The following COG2 variants were observed in gnomAD, a reference collection of about 807,000 sequenced individuals.
COG2 encodes the protein conserved oligomeric Golgi complex subunit 2.
COG2 carries 52 observed loss-of-function variants against 90.6 expected under a neutral mutation model. That is an observed-to-expected ratio of 0.57 (90% CI 0.46 to 0.72). The LOEUF (loss-of-function observed/expected upper bound fraction) is 0.72. Ranked by LOEUF, COG2 falls within the 30% of genes least tolerant of loss-of-function variation. The pLI is 0.00. For missense variants in COG2, 829 were observed against 891.2 expected, an observed-to-expected ratio of 0.93 and a Z score of 0.89; for synonymous variants, 337 against 320.4, an observed-to-expected ratio of 1.05 and a Z score of -0.55.
intron 7 of COG2, chr1:230,670,533 C>T (rs1053484563): frequency 6.6e-6 from 1 of 152,130 alleles, no homozygotes; most frequent in Admixed American, 6.5e-5. Flanking sequence ...TCAGTTCTCT[C>T]TGTTTATATC....
chr1:230,647,858 CTCT>C (rs1478065217), intron 1 of COG2, among the ~76,000 whole-genome samples: 1 of 50,414 alleles, frequency 2.0e-5, no homozygotes, highest in East Asian at 1.5e-3. Flanking sequence ...TTTTTAAAGA[CTCT>C]TTTCAATTAA....
intron 1 of COG2, among the ~76,000 whole-genome samples, chr1:230,650,091 T>A (rs1661876059): frequency 6.6e-6 from 1 of 152,250 alleles, no homozygotes; most frequent in Admixed American, 6.5e-5. Flanking sequence ...GTGGTATAAA[T>A]GCACCACATT....
chr1:230,671,978 TATTA>T (rs1282876611), intron 8 of COG2, among the ~76,000 whole-genome samples: 1 of 152,234 alleles, frequency 6.6e-6, no homozygotes, highest in Non-Finnish European at 1.5e-5. Context: ...TGTCTATAAA[TATTA>T]ATTCAGTTTA....
intron 1 of COG2, among the ~76,000 whole-genome samples, chr1:230,655,104 A>G (rs1399429868): frequency 6.6e-6 from 1 of 152,120 alleles, no homozygotes; most frequent in Non-Finnish European, 1.5e-5. Flanking sequence ...CTCTTGCCTG[A>G]TTGCCTTGGC....
intron 10 of COG2, chr1:230,679,253 T>C (rs1662674554): frequency 2.0e-6 from 1 of 493,318 alleles, no homozygotes. Flanking sequence ...AAGATAAGTT[T>C]TCTTTTTTGG....
At chr1:230,649,690 T>C (rs1489075846) in intron 1 of COG2, among the ~76,000 whole-genome samples, 1 of 152,162 alleles carries the variant, frequency 6.6e-6, no homozygotes, top group African/African-American at 2.4e-5. Context: ...ATTTATTGGG[T>C]ATCTCATTGT....
At chr1:230,673,297 C>T (rs1417117703) in intron 8 of COG2, among the ~76,000 whole-genome samples, 2 of 152,180 alleles carry the variant, frequency 1.3e-5, no homozygotes, top group Admixed American at 6.5e-5. Flanking sequence ...TCATCATCTG[C>T]CGCTAGCCTG....
chr1:230,681,278 A>G (rs1305942363), intron 10 of COG2: 1 of 152,228 alleles, frequency 6.6e-6, no homozygotes, highest in Non-Finnish European at 1.5e-5. Flanking sequence ...TAAAGCCTAA[A>G]TTTCAGTTTG....
chr1:230,642,765 C>T (rs898785683), intron 1 of COG2, 87 bp downstream of exon 1: 16 of 1,301,962 alleles, frequency 1.2e-5, no homozygotes, highest in African/African-American at 3.0e-5. Flanking sequence ...GTCGGCTGCT[C>T]CTGCCTGCGC....
intron 1 of COG2, among the ~76,000 whole-genome samples, chr1:230,649,455 C>T (rs1433325338): frequency 6.6e-6 from 1 of 152,190 alleles, no homozygotes. Flanking sequence ...ACATTCAGAT[C>T]TCAGCTCAGA....
intron 1 of COG2, among the ~76,000 whole-genome samples, chr1:230,656,048 G>T (rs942482104): frequency 2.0e-5 from 3 of 152,120 alleles, no homozygotes; most frequent in Non-Finnish European, 4.4e-5. Context: ...CAAAAAACCA[G>T]CTCCTGGTTT....
chr1:230,658,744 G>A (rs1662118958), intron 1 of COG2, among the ~76,000 whole-genome samples: 1 of 152,086 alleles, frequency 6.6e-6, no homozygotes, highest in Non-Finnish European at 1.5e-5. Context: ...TTTCAGAGAT[G>A]CCCTGCCCAG....
chr1:230,644,871 G>A (rs1253604791), intron 1 of COG2, among the ~76,000 whole-genome samples: 1 of 152,140 alleles, frequency 6.6e-6, no homozygotes, highest in Admixed American at 6.5e-5. Context: ...TACTTAAAAA[G>A]TTATTTCAGT....
At chr1:230,647,185 A>T (rs1199947749) in intron 1 of COG2, among the ~76,000 whole-genome samples, 1 of 152,190 alleles carries the variant, frequency 6.6e-6, no homozygotes, top group East Asian at 1.9e-4. Flanking sequence ...AGCTTATTGC[A>T]CTGATGGACA....
At chr1:230,686,846 G>T in intron 12 of COG2, 89 bp from the exon 13 acceptor site, 1 of 713,372 alleles carries the variant, frequency 1.4e-6, no homozygotes, top group Non-Finnish European at 2.2e-6. Context: ...GCATTTAATG[G>T]TGAGTTATTG....
intron 2 of COG2, among the ~76,000 whole-genome samples, chr1:230,660,157 C>T (rs1009297537): frequency 2.0e-4 from 30 of 152,132 alleles, no homozygotes; most frequent in African/African-American, 7.2e-4. Flanking sequence ...GCCTTTTGGT[C>T]ATCCTGTTCC....
rs531786737 is a variant in COG2 at position 230,688,274 on chromosome 1, T to C, written c.1651+131T>C. 1.4e-5 allele frequency: 17 copies of C among 1,250,140 alleles called. No individual in the cohort carries two copies. The African/African-American group carries it at 1.8e-4, about 13-fold the overall frequency. The allele number at this position is 1,250,140 out of a possible 1,614,324, so 77.4% of individuals were successfully genotyped here. A position where few individuals can be genotyped will look rare whatever the true frequency, so the allele number is the denominator to read the frequency against. On this transcript the variant is annotated intron_variant, in intron 14 of 17. Transcript: ENST00000366669. Reference sequence around the variant, plus strand: ...CCTTGGTTGTTTCTCTATTCTGTATTATAACTTACCTAAATAAGATGTTTT... The same window carrying C: ...CCTTGGTTGTTTCTCTATTCTGTATCATAACTTACCTAAATAAGATGTTTT...
intron 17 of COG2, among the ~76,000 whole-genome samples, chr1:230,692,718 G>T (rs1431382426): frequency 7.4e-6 from 1 of 134,328 alleles, no homozygotes; most frequent in Non-Finnish European, 1.8e-5. Flanking sequence ...TATCTTCCCG[G>T]ATCTTTCTCT....
intron 1 of COG2, among the ~76,000 whole-genome samples, chr1:230,655,795 A>G (rs1426338650): frequency 6.6e-6 from 1 of 152,170 alleles, no homozygotes; most frequent in Admixed American, 6.5e-5. Flanking sequence ...TGGTCTATTC[A>G]GGGATTCAAC....
Sources: allele counts gnomAD v4.1 joint callset (sites outside exome capture counted in the v4.1 genomes callset), GRCh38; gene constraint gnomAD v4.1.1; transcripts MANE v1.5; gene names NCBI Gene and HGNC (gene_info 2026-07-23, HGNC 2026-07-21).